Variants in PDZD2 observed in about 807,000 individuals in gnomAD.
PDZD2 encodes PDZ domain containing 2.
Under a neutral mutation model 220.7 loss-of-function variants are expected in PDZD2, and 90 were observed. The observed-to-expected ratio is 0.41, with a 90% CI of 0.34 to 0.49. PDZD2 has a LOEUF of 0.49. Among genes scored for constraint, PDZD2 ranks in the 20% least tolerant of loss-of-function variants. The pLI is 0.28. For synonymous variants in PDZD2, 1,375 were observed against 1,450.5 expected (o/e 0.95, Z 1.18); for missense variants, 3,174 against 3,608.5 (o/e 0.88, Z 3.08).
At position 31,983,436 on chromosome 5, in the gene PDZD2, G is replaced by T. The variant is rs1750460561; in HGVS notation, c.758G>T (p.Gly253Val). ...GACCCCAGCACTGAGCTGGAGAACG[G>T]CCCTGACCCTGAACTTGGAAACGGC... ...SSDPSTELEN[G>V]PDPELGNGHV... The change falls in exon 3 of 25, where the codon GGC (glycine) becomes GTC (valine). Residue 253 changes from glycine to valine, a missense_variant. Physicochemically the swap from Gly to Val is moderately radical, Grantham distance 109. Coordinates refer to ENST00000438447, the MANE Select transcript of PDZD2 (RefSeq NM_178140.4). 1 of 1,614,204 alleles carries T rather than the reference G, an allele frequency of 6.2e-7. No individual in the cohort carries two copies. Among genetic ancestry groups the T allele is most frequent in the South Asian group, 1.1e-5 (1 of 91,090 alleles).
intron 2 of PDZD2, among the ~76,000 whole-genome samples, chr5:31,812,475 GT>G (rs1355950827): frequency 6.7e-6 from 1 of 149,842 alleles, no homozygotes; most frequent in Non-Finnish European, 1.5e-5. Context: ...TTTTTTTTCT[GT>G]CCCCCAGGCT....
chr5:32,004,203 A>C (rs1223925708), intron 5 of PDZD2, among the ~76,000 whole-genome samples: 1 of 152,190 alleles, frequency 6.6e-6, no homozygotes, highest in Non-Finnish European at 1.5e-5. Context: ...AGACACACCA[A>C]CTTAAAGGAA....
At chr5:31,837,036 G>C (rs934343498) in intron 2 of PDZD2, among the ~76,000 whole-genome samples, 4 of 150,922 alleles carry the variant, frequency 2.7e-5, no homozygotes, top group Non-Finnish European at 5.9e-5. Context: ...AAGAAAGAAA[G>C]AAAGAAAGAA....
At chr5:31,760,904 G>A (rs1039104069) in intron 1 of PDZD2, among the ~76,000 whole-genome samples, 2 of 152,138 alleles carry the variant, frequency 1.3e-5, no homozygotes, top group Non-Finnish European at 2.9e-5. Flanking sequence ...CCTGGGCGAT[G>A]AGAGCGAGAC....
At chr5:32,019,955 C>T (rs1233242857) in intron 6 of PDZD2, among the ~76,000 whole-genome samples, 2 of 151,914 alleles carry the variant, frequency 1.3e-5, no homozygotes, top group Non-Finnish European at 2.9e-5. Context: ...TTGTACCACT[C>T]CTATTTGGTT....
At chr5:32,102,080 C>G (rs1240342522) in intron 24 of PDZD2, among the ~76,000 whole-genome samples, 1 of 152,080 alleles carries the variant, frequency 6.6e-6, no homozygotes, top group African/African-American at 2.4e-5. Context: ...ATCCCAAAAC[C>G]TCTCTCCACT....
At chr5:31,954,851 G>A (rs1037272319) in intron 2 of PDZD2, among the ~76,000 whole-genome samples, 1 of 152,044 alleles carries the variant, frequency 6.6e-6, no homozygotes, top group Admixed American at 6.6e-5. Context: ...CAGGAGAATC[G>A]CTTGAAACCC....
chr5:31,884,769 G>A (rs1224894438), intron 2 of PDZD2, among the ~76,000 whole-genome samples: 1 of 151,958 alleles, frequency 6.6e-6, no homozygotes, highest in African/African-American at 2.4e-5. Flanking sequence ...TGTGTTTTTA[G>A]TACAGATGGG....
At chr5:31,777,136 T>C (rs1367318386) in intron 1 of PDZD2, among the ~76,000 whole-genome samples, 5 of 152,134 alleles carry the variant, frequency 3.3e-5, no homozygotes, top group African/African-American at 7.2e-5. Flanking sequence ...GGCTGTGCAC[T>C]GGCGCTCGCG....
At position 32,071,367 on chromosome 5, in the gene PDZD2, A is replaced by C; in HGVS notation, c.2534-17A>C. On this transcript the variant is annotated splice_polypyrimidine_tract_variant and intron_variant, in intron 15 of 24. Transcript: ENST00000438447. ...GCTTTATTGTTTTGACAATATGGTG[A>C]ATTTTCCCTCCAACAGGTACCCCCT... 1 of 1,591,764 alleles carries C rather than the reference A, an allele frequency of 6.3e-7. No individual in the cohort carries two copies. Among genetic ancestry groups the C allele is most frequent in the Non-Finnish European group, 8.6e-7 (1 of 1,159,642 alleles).
chr5:31,856,351 G>T, intron 2 of PDZD2, among the ~76,000 whole-genome samples: 1 of 152,132 alleles, frequency 6.6e-6, no homozygotes, highest in African/African-American at 2.4e-5. Flanking sequence ...AGACAGGATG[G>T]CCTCTGGGGA....
At chr5:31,895,979 CTA>C (rs1741512777) in intron 2 of PDZD2, among the ~76,000 whole-genome samples, 1 of 152,158 alleles carries the variant, frequency 6.6e-6, no homozygotes, top group African/African-American at 2.4e-5. Flanking sequence ...CCCAGCCACA[CTA>C]TGCAATAGCG....
intron 2 of PDZD2, among the ~76,000 whole-genome samples, chr5:31,883,342 T>C (rs1318503984): frequency 6.8e-6 from 1 of 146,804 alleles, no homozygotes; most frequent in Non-Finnish European, 1.5e-5. Flanking sequence ...TGCCTCAGCC[T>C]CCTGAGTAGC....
At chr5:31,719,836 A>G (rs1469386748) in intron 1 of PDZD2, among the ~76,000 whole-genome samples, 2 of 152,224 alleles carry the variant, frequency 1.3e-5, no homozygotes, top group Admixed American at 1.3e-4. Context: ...AGAGAAGTAA[A>G]TGAAACTCGA....
In PDZD2 at chr5:32,088,250, T is replaced by G; in HGVS notation, c.4802T>G (p.Ile1601Ser). ...GAGTCAGAAGAGGAACAGATTGAGA[T>G]TTGTTCCACACGTGGCTGCCCCAAT... ...PSESEEEQIE[I>S]CSTRGCPNPP... The change falls in exon 20 of 25, where the codon ATT (isoleucine) becomes AGT (serine). Residue 1601 changes from isoleucine (I) to serine (S), a missense_variant. Coordinates refer to ENST00000438447, the MANE Select transcript of PDZD2 (RefSeq NM_178140.4). This position sits in a 1 kb window ranked among gnomAD's most constrained non-coding sequence, Gnocchi z 4.6. The G allele has an allele frequency of 6.2e-7, 1 of 1,614,078 alleles. No homozygotes were observed. The highest frequency in any genetic ancestry group is 1.1e-5 in the South Asian group (1 of 91,080).
intron 2 of PDZD2, among the ~76,000 whole-genome samples, chr5:31,935,316 G>T (rs888930933): frequency 5.3e-5 from 8 of 152,166 alleles, no homozygotes; most frequent in African/African-American, 1.9e-4. Flanking sequence ...GGCTTCAGCT[G>T]TAAAACAAGG....
intron 2 of PDZD2, among the ~76,000 whole-genome samples, chr5:31,807,689 C>T (rs17507408): frequency 0.27 from 40,955 of 152,040 alleles, 6,179 homozygotes; most frequent in Middle Eastern, 0.38. Context: ...GGGATGCTGG[C>T]GGATGCAAGA....
intron 2 of PDZD2, among the ~76,000 whole-genome samples, chr5:31,967,949 G>A (rs559543460): frequency 6.6e-6 from 1 of 152,322 alleles, no homozygotes; most frequent in South Asian, 2.1e-4. Flanking sequence ...AAAATAAAAT[G>A]CAGTTGATAT....
At chr5:31,737,318 G>T (rs998966140) in intron 1 of PDZD2, among the ~76,000 whole-genome samples, 1 of 151,712 alleles carries the variant, frequency 6.6e-6, no homozygotes, top group Non-Finnish European at 1.5e-5. Flanking sequence ...GACTACAGGC[G>T]CCCACCACCA....
Sources: gnomAD v4.1 joint callset for allele counts (sites outside exome capture counted in the v4.1 genomes callset) on GRCh38, gnomAD v4.1.1 for gene constraint, Gnocchi (gnomAD v3.1) non-coding constraint, MANE v1.5 for transcripts, NCBI Gene and HGNC (gene_info 2026-07-23, HGNC 2026-07-21) for gene names.